Variants in KHDRBS3 observed in about 807,000 individuals in gnomAD.
KHDRBS3 encodes KH domain-containing, RNA-binding, signal transduction-associated protein 3.
A neutral mutation model predicts 45.6 loss-of-function variants in KHDRBS3; 23 were observed. The observed-to-expected ratio is 0.50, with a 90% confidence interval of 0.36 to 0.72. KHDRBS3 has a LOEUF of 0.72. Among genes scored for constraint, KHDRBS3 ranks in the 30% least tolerant of loss-of-function variants. KHDRBS3 has a pLI of 0.00. For missense variants in KHDRBS3, 352 were observed against 424.8 expected (o/e 0.83, Z 1.51); for synonymous variants, 162 against 156.5 (o/e 1.04, Z -0.26).
chr8:135,478,246 C>T (rs989179645), intron 1 of KHDRBS3, among the ~76,000 whole-genome samples: 3 of 152,176 alleles, frequency 2.0e-5, no homozygotes, highest in African/African-American at 7.2e-5. Flanking sequence ...GATTTCTGGC[C>T]TCCAGAACTG....
At chr8:135,474,425 A>G (rs977576352) in intron 1 of KHDRBS3, among the ~76,000 whole-genome samples, 2 of 152,218 alleles carry the variant, frequency 1.3e-5, no homozygotes, top group Admixed American at 1.3e-4. Context: ...TTAGTTTCTA[A>G]GAATTCAGAC....
At chr8:135,586,687 C>T (rs921116318) in intron 6 of KHDRBS3, among the ~76,000 whole-genome samples, 3 of 152,122 alleles carry the variant, frequency 2.0e-5, no homozygotes, top group African/African-American at 4.8e-5. Flanking sequence ...AACTCAGAAA[C>T]GTAATTTTTA....
At chr8:135,475,167 C>T (rs1312500650) in intron 1 of KHDRBS3, among the ~76,000 whole-genome samples, 1 of 152,172 alleles carries the variant, frequency 6.6e-6, no homozygotes. Flanking sequence ...AGCCCTAATT[C>T]CCCTTTGACA....
At chr8:135,606,544 T>G (rs1021171039) in intron 6 of KHDRBS3, among the ~76,000 whole-genome samples, 4 of 152,130 alleles carry the variant, frequency 2.6e-5, no homozygotes, top group African/African-American at 9.7e-5. Context: ...TCCAGCAGCA[T>G]CCAGACTCCT....
intron 6 of KHDRBS3, among the ~76,000 whole-genome samples, chr8:135,586,675 G>A (rs1196793884): frequency 6.6e-6 from 1 of 152,078 alleles, no homozygotes; most frequent in African/African-American, 2.4e-5. Context: ...TCATTTCTTT[G>A]GAACTCAGAA....
At chr8:135,549,810 A>G (rs929894242) in intron 4 of KHDRBS3, 1 of 152,192 alleles carries the variant, frequency 6.6e-6, no homozygotes, top group Non-Finnish European at 1.5e-5. Context: ...TGTGAGGAAA[A>G]CAATTATTAT....
chr8:135,609,723 CGCTGTACCT>C (rs1216359666), intron 7 of KHDRBS3, among the ~76,000 whole-genome samples: 1 of 151,880 alleles, frequency 6.6e-6, no homozygotes, highest in African/African-American at 2.4e-5. Context: ...TTAGCGCCAC[CGCTGTACCT>C]GCAGTCTGTT....
intron 7 of KHDRBS3, among the ~76,000 whole-genome samples, chr8:135,616,370 A>G (rs1829916313): frequency 6.6e-6 from 1 of 152,188 alleles, no homozygotes; most frequent in African/African-American, 2.4e-5. Flanking sequence ...AGACCACCAC[A>G]TGGGATCTTC....
chr8:135,464,414 G>A (rs987866555), intron 1 of KHDRBS3, among the ~76,000 whole-genome samples: 6 of 152,180 alleles, frequency 3.9e-5, no homozygotes, highest in African/African-American at 1.4e-4. Flanking sequence ...AATTCTTGCT[G>A]AAGTTCTGTC....
chr8:135,523,590 T>G lies in KHDRBS3; in HGVS notation c.207+2235T>G, dbSNP rs192547258. Among the ~76,000 whole-genome samples, 557 of 152,326 alleles carry G rather than the reference T, an allele frequency of 3.7e-3. 5 individuals are homozygous for G. Among genetic ancestry groups the G allele is most frequent in the Non-Finnish European group, 3.1e-3 (213 of 68,026 alleles). On this transcript the variant is annotated intron_variant, in intron 2 of 8. Coordinates refer to ENST00000355849, the MANE Select transcript of KHDRBS3 (RefSeq NM_006558.3). ...TCTCCCTTTCCAGTTTCTATGCATC[T>G]TATTATTTTACTTGCATTATTTTGG...
intron 2 of KHDRBS3, among the ~76,000 whole-genome samples, chr8:135,538,162 C>G (rs1441540212): frequency 2.6e-5 from 4 of 152,254 alleles, no homozygotes; most frequent in East Asian, 3.9e-4. Flanking sequence ...GGACAGTGAT[C>G]AGAGAACACT....
intron 1 of KHDRBS3, among the ~76,000 whole-genome samples, chr8:135,494,320 C>G (rs1162316490): frequency 7.5e-6 from 1 of 133,440 alleles, no homozygotes; most frequent in African/African-American, 2.9e-5. Context: ...ACTCTGTCAC[C>G]CAGGCTGGAG....
At position 135,485,842 on chromosome 8, in the gene KHDRBS3, T is replaced by TTTTATATA. The variant is rs908619744; in HGVS notation, c.88+27889_88+27890insTTATATAT. 2.1e-4 allele frequency among the ~76,000 whole-genome samples: 25 copies of TTTTATATA among 120,346 alleles called. 2 individuals are homozygous for TTTTATATA. Among genetic ancestry groups the TTTTATATA allele is most frequent in the African/African-American group, 7.4e-4 (20 of 26,878 alleles). The allele number at this position is 120,346 out of a possible 152,430, so 79.0% of individuals were successfully genotyped here. On this transcript the variant is annotated intron_variant, in intron 1 of 8. Transcript: ENST00000355849. ...TGCAGGATTGATTGGCATTTCAAGTTTATATATATATATATATATATATAT... is the reference window on the plus strand; with the variant it reads ...TGCAGGATTGATTGGCATTTCAAGTTTTTATATATATATATATATATATATATATATAT...
intron 2 of KHDRBS3, among the ~76,000 whole-genome samples, chr8:135,536,999 G>A (rs73712060): frequency 0.42 from 12,158 of 29,090 alleles, 2,190 homozygotes; most frequent in East Asian, 0.65. Flanking sequence ...AAAAAAAAAG[G>A]AGATGTTTAG....
intron 6 of KHDRBS3, among the ~76,000 whole-genome samples, chr8:135,590,532 C>G (rs780337811): frequency 5.3e-5 from 8 of 152,100 alleles, no homozygotes; most frequent in East Asian, 1.9e-4. Context: ...GTATGTTTGT[C>G]AAAATTTGGT....
At chr8:135,472,036 G>A (rs986395114) in intron 1 of KHDRBS3, among the ~76,000 whole-genome samples, 2 of 152,138 alleles carry the variant, frequency 1.3e-5, no homozygotes, top group African/African-American at 4.8e-5. Flanking sequence ...ATAGCCAGTT[G>A]GTCTCAGCTT....
intron 3 of KHDRBS3, among the ~76,000 whole-genome samples, chr8:135,543,125 T>G (rs1180471240): frequency 4.6e-5 from 7 of 152,200 alleles, no homozygotes; most frequent in Admixed American, 4.6e-4. Flanking sequence ...TCTTTTTTTC[T>G]GTGCAGACCT....
At chr8:135,543,139 A>G (rs1218212286) in intron 3 of KHDRBS3, among the ~76,000 whole-genome samples, 1 of 152,050 alleles carries the variant, frequency 6.6e-6, no homozygotes, top group Admixed American at 6.5e-5. Context: ...CAGACCTTAC[A>G]TATAGTTGAG....
chr8:135,547,340 G>A (rs1375154803), intron 3 of KHDRBS3, among the ~76,000 whole-genome samples: 2 of 152,080 alleles, frequency 1.3e-5, no homozygotes, highest in African/African-American at 2.4e-5. Context: ...CAGTGTACTA[G>A]GTAGTATATA....
Sources: allele counts gnomAD v4.1 joint callset (sites outside exome capture counted in the v4.1 genomes callset), GRCh38; gene constraint gnomAD v4.1.1; transcripts MANE v1.5; gene names NCBI Gene and HGNC (gene_info 2026-07-23, HGNC 2026-07-21).